Variants in IL1RAPL1 observed in about 807,000 individuals in gnomAD.
IL1RAPL1 encodes the protein interleukin 1 receptor accessory protein like 1, also known as interleukin-1 receptor accessory protein-like 1.
In IL1RAPL1, 3 loss-of-function variants were observed where a neutral mutation model predicts 48.4. The ratio of observed to expected loss-of-function variants is 0.06; its 90% CI spans 0.03 to 0.16. The LOEUF is 0.16. Among genes scored for constraint, IL1RAPL1 ranks in the 10% least tolerant of loss-of-function variants. IL1RAPL1 has a pLI of 1.00. For missense variants in IL1RAPL1, 349 were observed against 530.6 expected, an observed-to-expected ratio of 0.66 and a Z score of 3.36; for synonymous variants, 185 against 187.7, an observed-to-expected ratio of 0.99 and a Z score of 0.12.
At chrX:28,910,212 C>A (rs1228300294) in intron 2 of IL1RAPL1, among the ~76,000 whole-genome samples, 1 of 111,101 alleles carries the variant, frequency 9.0e-6, no homozygotes, top group East Asian at 2.8e-4. Flanking sequence ...AAGCCTTTCT[C>A]CCCCAAACTT....
chrX:28,969,975 A>ATGTTTCTAAACACATATATG (rs1925026379), intron 2 of IL1RAPL1, among the ~76,000 whole-genome samples: 2 of 111,556 alleles, frequency 1.8e-5, no homozygotes, highest in Admixed American at 9.5e-5. Context: ...ACACATATAT[A>ATGTTTCTAAACACATATATG]TGTTTCTAAA....
chrX:29,658,129 C>T (rs1035045966), intron 5 of IL1RAPL1, among the ~76,000 whole-genome samples: 1 of 111,584 alleles, frequency 9.0e-6, no homozygotes, highest in Non-Finnish European at 1.9e-5. Flanking sequence ...AAATATTGAA[C>T]CACCTTTATT....
At chrX:28,853,809 G>A (rs1052988746) in intron 2 of IL1RAPL1, among the ~76,000 whole-genome samples, 35 of 111,997 alleles carry the variant, frequency 3.1e-4, no homozygotes, top group Non-Finnish European at 3.4e-4. Context: ...ATTATAAGAT[G>A]TATAAAAGTT....
chrX:28,840,676 A>G (rs1394564234), intron 2 of IL1RAPL1, among the ~76,000 whole-genome samples: 2 of 110,909 alleles, frequency 1.8e-5, no homozygotes, highest in African/African-American at 3.3e-5. Flanking sequence ...TTCTATACTC[A>G]TTTTCTGAAT....
chrX:28,621,655 T>C (rs1934286446), intron 1 of IL1RAPL1, among the ~76,000 whole-genome samples: 1 of 112,421 alleles, frequency 8.9e-6, no homozygotes, highest in South Asian at 3.7e-4. Flanking sequence ...TCTGCTTTAC[T>C]GTTTCAATGT....
chrX:29,009,626 T>C (rs1926077465), intron 2 of IL1RAPL1, among the ~76,000 whole-genome samples: 1 of 112,220 alleles, frequency 8.9e-6, no homozygotes, highest in Admixed American at 9.4e-5. Context: ...TGTCTCTTTT[T>C]GTACCAGTAC....
chrX:28,898,956 A>G (rs1031995092), intron 2 of IL1RAPL1, among the ~76,000 whole-genome samples: 4 of 111,521 alleles, frequency 3.6e-5, no homozygotes, highest in Non-Finnish European at 5.6e-5. Context: ...TGCCTGGTGT[A>G]TTAGTCCATT....
intron 6 of IL1RAPL1, among the ~76,000 whole-genome samples, chrX:29,801,397 C>G (rs1473162093): frequency 9.0e-6 from 1 of 111,313 alleles, no homozygotes; most frequent in African/African-American, 3.3e-5. Flanking sequence ...CCTGTTGAGC[C>G]CTTCTGTGCC....
rs1355245566 is a variant in IL1RAPL1 at position 29,418,664 on chromosome X, G to A, written c.703+19356G>A. Among the ~76,000 whole-genome samples the A allele has an allele frequency of 2.7e-5, 3 of 111,401 alleles. No individual in the cohort carries two copies. The East Asian group carries it at 8.4e-4, about 31-fold the overall frequency. ...GAAGGAAGTGAAGTAGAAGATATAT[G>A]AAAAATAACCATTAATATTAAAACA... On this transcript the variant is annotated intron_variant, in intron 5 of 10. Coordinates refer to ENST00000378993, the MANE Select transcript of IL1RAPL1 (RefSeq NM_014271.4).
intron 1 of IL1RAPL1, among the ~76,000 whole-genome samples, chrX:28,661,077 C>A (rs202136063): frequency 9.2e-6 from 1 of 108,899 alleles, no homozygotes. Flanking sequence ...TCTTTCTTAA[C>A]AAAAAAATCT....
At chrX:28,929,513 G>C (rs924782385) in intron 2 of IL1RAPL1, among the ~76,000 whole-genome samples, 5 of 111,813 alleles carry the variant, frequency 4.5e-5, no homozygotes, top group African/African-American at 1.3e-4. Context: ...TAACTGTTCT[G>C]AGAAACATGT....
At chrX:29,167,664 G>A (rs1169717480) in intron 2 of IL1RAPL1, among the ~76,000 whole-genome samples, 1 of 109,995 alleles carries the variant, frequency 9.1e-6, no homozygotes, top group African/African-American at 3.3e-5. Context: ...TCTTATTTTC[G>A]GTCTGTTTTC....
At chrX:29,832,294 A>G (rs942249536) in intron 6 of IL1RAPL1, among the ~76,000 whole-genome samples, 1 of 111,956 alleles carries the variant, frequency 8.9e-6, no homozygotes, top group African/African-American at 3.2e-5. Context: ...CTTCCAAAAT[A>G]TCTAGCATCC....
At chrX:29,899,668 C>T (rs185417472) in intron 6 of IL1RAPL1, among the ~76,000 whole-genome samples, 112 of 108,847 alleles carry the variant, frequency 1.0e-3, no homozygotes, top group African/African-American at 3.4e-3. Context: ...CTCAGCCTCC[C>T]GAGTTGCTGG....
intron 5 of IL1RAPL1, among the ~76,000 whole-genome samples, chrX:29,627,656 T>C (rs1924654558): frequency 8.9e-6 from 1 of 111,761 alleles, no homozygotes; most frequent in African/African-American, 3.3e-5. Context: ...GTGGTGGTGT[T>C]CCATCACATT....
chrX:29,240,216 ATATATATAT>A (rs1931389126), intron 2 of IL1RAPL1, among the ~76,000 whole-genome samples: 1 of 27,057 alleles, frequency 3.7e-5, no homozygotes, highest in Non-Finnish European at 5.6e-5. Context: ...ATATATATAT[ATATATATAT>A]TTTTTTTTTT....
intron 5 of IL1RAPL1, among the ~76,000 whole-genome samples, chrX:29,639,548 T>A (rs112112737): frequency 1.5e-5 from 1 of 66,896 alleles, no homozygotes; most frequent in African/African-American, 1.2e-4. Flanking sequence ...ATTAAAAGTT[T>A]TTTTTTTTTT....
At chrX:29,107,078 A>G (rs1602059486) in intron 2 of IL1RAPL1, among the ~76,000 whole-genome samples, 2 of 112,190 alleles carry the variant, frequency 1.8e-5, no homozygotes, top group East Asian at 5.6e-4. Flanking sequence ...TAGTTATTCA[A>G]GTTAAGTTCT....
intron 2 of IL1RAPL1, among the ~76,000 whole-genome samples, chrX:28,863,530 G>T (rs368454855): frequency 8.2e-5 from 9 of 109,411 alleles, no homozygotes; most frequent in African/African-American, 2.7e-4. Flanking sequence ...TGTGAGATAC[G>T]TAGAGCCATG....
Sources: gnomAD v4.1 joint callset for allele counts (sites outside exome capture counted in the v4.1 genomes callset) on GRCh38, gnomAD v4.1.1 for gene constraint, MANE v1.5 for transcripts, NCBI Gene and HGNC (gene_info 2026-07-23, HGNC 2026-07-21) for gene names.